The following CNTN5 variants were observed in gnomAD, a reference collection of about 807,000 sequenced individuals.
CNTN5 encodes contactin 5.
In CNTN5, 77 loss-of-function variants were observed where a neutral mutation model predicts 129.1. That is an observed-to-expected ratio of 0.60 (90% CI 0.50 to 0.72). The LOEUF is 0.72. CNTN5 is among the 30% of genes least tolerant of loss of function. CNTN5 has a pLI of 0.00. For synonymous variants in CNTN5, 509 were observed against 465.6 expected (o/e 1.09, Z -1.20); for missense variants, 1,478 against 1,328.8 (o/e 1.11, Z -1.75).
intron 3 of CNTN5, chr11:99,558,214 AT>A: frequency 2.9e-6 from 1 of 346,644 alleles, no homozygotes; most frequent in Non-Finnish European, 5.7e-6. Context: ...TTTGTGCAGC[AT>A]TACTGTCTTC....
At chr11:99,939,097 A>T (rs1484758065) in intron 7 of CNTN5, among the ~76,000 whole-genome samples, 1 of 152,096 alleles carries the variant, frequency 6.6e-6, no homozygotes. Flanking sequence ...TTCTAAAAAA[A>T]ATTTAAAAAG....
At chr11:100,229,991 A>G (rs940365584) in intron 16 of CNTN5, among the ~76,000 whole-genome samples, 4 of 152,204 alleles carry the variant, frequency 2.6e-5, no homozygotes, top group African/African-American at 9.6e-5. Flanking sequence ...TCCAGTAGTT[A>G]TGAAAAACAA....
intron 1 of CNTN5, among the ~76,000 whole-genome samples, chr11:99,139,113 C>CA (rs757931503): frequency 7.8e-5 from 11 of 140,616 alleles, no homozygotes; most frequent in Admixed American, 2.9e-4. Context: ...CCCCCCCCCC[C>CA]AAAAATTAGC....
chr11:99,380,310 A>T (rs977966441), intron 2 of CNTN5, among the ~76,000 whole-genome samples: 1 of 152,160 alleles, frequency 6.6e-6, no homozygotes, highest in African/African-American at 2.4e-5. Context: ...CTATTTATTT[A>T]CAGTTTTATT....
chr11:100,297,998 C>A (rs1951132590), intron 19 of CNTN5, among the ~76,000 whole-genome samples: 1 of 151,456 alleles, frequency 6.6e-6, no homozygotes, highest in African/African-American at 2.4e-5. Flanking sequence ...GTCATTTTAT[C>A]TATCTCATCA....
intron 13 of CNTN5, among the ~76,000 whole-genome samples, chr11:100,132,693 A>G (rs1441803928): frequency 6.6e-6 from 1 of 152,138 alleles, no homozygotes; most frequent in Admixed American, 6.6e-5. Flanking sequence ...GTAACTAAGC[A>G]ATAAAATCCC....
At chr11:100,080,256 CA>C (rs560820899) in intron 13 of CNTN5, among the ~76,000 whole-genome samples, 2 of 151,438 alleles carry the variant, frequency 1.3e-5, no homozygotes, top group Non-Finnish European at 2.9e-5. Flanking sequence ...ATCCTGCATA[CA>C]AAAAAAATAA....
At chr11:99,866,056 C>T (rs898877639) in intron 6 of CNTN5, among the ~76,000 whole-genome samples, 1 of 152,096 alleles carries the variant, frequency 6.6e-6, no homozygotes, top group African/African-American at 2.4e-5. Context: ...TTAACAACAT[C>T]CAGGGTCATG....
At chr11:99,760,051 C>A (rs1944528422) in intron 3 of CNTN5, among the ~76,000 whole-genome samples, 1 of 152,036 alleles carries the variant, frequency 6.6e-6, no homozygotes, top group African/African-American at 2.4e-5. Flanking sequence ...AGATATTGCA[C>A]ACGAACCAGA....
intron 3 of CNTN5, among the ~76,000 whole-genome samples, chr11:99,691,352 T>C (rs1473559002): frequency 6.6e-6 from 1 of 152,132 alleles, no homozygotes; most frequent in Non-Finnish European, 1.5e-5. Flanking sequence ...GTTGTTAACT[T>C]GAGATCTTTC....
At chr11:99,447,201 A>C (rs1248666432) in intron 2 of CNTN5, among the ~76,000 whole-genome samples, 1 of 152,210 alleles carries the variant, frequency 6.6e-6, no homozygotes, top group Non-Finnish European at 1.5e-5. Flanking sequence ...TCTACCTCAG[A>C]GAAGCTATGT....
intron 2 of CNTN5, among the ~76,000 whole-genome samples, chr11:99,512,569 T>G (rs1156601816): frequency 6.6e-6 from 1 of 152,148 alleles, no homozygotes; most frequent in East Asian, 1.9e-4. Flanking sequence ...GTCCAGCAAG[T>G]CTGTTAGTGC....
At chr11:99,053,147 G>C (rs547475479) in intron 1 of CNTN5, among the ~76,000 whole-genome samples, 2 of 151,930 alleles carry the variant, frequency 1.3e-5, no homozygotes, top group African/African-American at 4.8e-5. Context: ...ATGCTTTGAA[G>C]CCTCTATTTG....
At chr11:99,903,147 C>G (rs1949403193) in intron 6 of CNTN5, among the ~76,000 whole-genome samples, 4 of 152,026 alleles carry the variant, frequency 2.6e-5, no homozygotes. Context: ...TCTTCAGGTA[C>G]TTGATCAGGA....
At chr11:99,408,346 C>T (rs1942187068) in intron 2 of CNTN5, among the ~76,000 whole-genome samples, 2 of 137,304 alleles carry the variant, frequency 1.5e-5, no homozygotes, top group Non-Finnish European at 3.1e-5. Context: ...ACTACCAGCA[C>T]ATGCCACTAC....
intron 8 of CNTN5, among the ~76,000 whole-genome samples, chr11:99,964,594 A>G (rs199706787): frequency 3.9e-5 from 6 of 151,902 alleles, no homozygotes; most frequent in African/African-American, 1.4e-4. Flanking sequence ...ATCAATGTTC[A>G]TCAGGGATTT....
chr11:99,811,146 C>T (rs1265725629), intron 3 of CNTN5, among the ~76,000 whole-genome samples: 1 of 152,048 alleles, frequency 6.6e-6, no homozygotes, highest in Non-Finnish European at 1.5e-5. Flanking sequence ...TAAAACTTAA[C>T]AGCATTGTGT....
At chr11:100,160,951 A>G (rs867597242) in intron 13 of CNTN5, among the ~76,000 whole-genome samples, 32 of 152,054 alleles carry the variant, frequency 2.1e-4, no homozygotes, top group African/African-American at 7.7e-4. Context: ...ATACCATTAT[A>G]GGGATCCAGA....
In CNTN5 at chr11:99,076,284, G is replaced by A. The variant is rs1254721215; in HGVS notation, c.-210+55014G>A. Among the ~76,000 whole-genome samples, 6 of 152,202 alleles carry A rather than the reference G, an allele frequency of 3.9e-5. No individual in the cohort carries two copies. The East Asian group carries it at 1.2e-3, about 29-fold the overall frequency. ...TGGGAGCTAGAGGCTGCAGTGAACC[G>A]AGGTTGCACCCAGTGAACTGGGTGA... On this transcript the variant is annotated intron_variant, in intron 1 of 24. Transcript: ENST00000524871.
Sources: gnomAD v4.1 joint callset for allele counts (sites outside exome capture counted in the v4.1 genomes callset) on GRCh38, gnomAD v4.1.1 for gene constraint, MANE v1.5 for transcripts, NCBI Gene and HGNC (gene_info 2026-07-23, HGNC 2026-07-21) for gene names.